The following CADPS2 variants were observed in gnomAD, a reference collection of about 807,000 sequenced individuals.
The protein encoded by CADPS2 is calcium-dependent secretion activator 2.
CADPS2 carries 93 observed loss-of-function variants against 172.5 expected under a neutral mutation model. That is an observed-to-expected ratio of 0.54 (90% CI 0.46 to 0.64). The LOEUF is 0.64. CADPS2 is among the 30% of genes least tolerant of loss of function. The probability of loss-of-function intolerance (pLI) is 0.00; values close to 1 mark genes in which losing one functional copy is unlikely to be tolerated. For missense variants in CADPS2, 1,420 were observed against 1,565.9 expected, an observed-to-expected ratio of 0.91 and a Z score of 1.57; for synonymous variants, 546 against 555.2, an observed-to-expected ratio of 0.98 and a Z score of 0.23.
intron 2 of CADPS2, among the ~76,000 whole-genome samples, chr7:122,735,646 T>TC (rs2137750882): frequency 6.6e-6 from 1 of 152,230 alleles, no homozygotes; most frequent in South Asian, 2.1e-4. Context: ...AACTCCCTCA[T>TC]CCCCCTGCTG....
intron 9 of CADPS2, among the ~76,000 whole-genome samples, 166 bp from the exon 10 acceptor site, chr7:122,491,586 C>G (rs2058293534): frequency 6.6e-6 from 1 of 152,044 alleles, no homozygotes; most frequent in East Asian, 1.9e-4. Flanking sequence ...GATTCAAGCA[C>G]CTTTCGTTTG....
intron 1 of CADPS2, among the ~76,000 whole-genome samples, chr7:122,812,794 C>T (rs1021955697): frequency 6.6e-6 from 1 of 152,120 alleles, no homozygotes. Flanking sequence ...GGTATTATGG[C>T]AGACCAGATG....
At chr7:122,485,095 C>G (rs1361277530) in intron 11 of CADPS2, among the ~76,000 whole-genome samples, 2 of 152,124 alleles carry the variant, frequency 1.3e-5, no homozygotes, top group Non-Finnish European at 2.9e-5. Context: ...GACTGTTCCC[C>G]ATCTCTCTCC....
At chr7:122,816,658 G>A (rs978026237) in intron 1 of CADPS2, among the ~76,000 whole-genome samples, 3 of 152,176 alleles carry the variant, frequency 2.0e-5, no homozygotes, top group African/African-American at 7.2e-5. Context: ...TTACACTGTA[G>A]GAAGAGTTCC....
intron 5 of CADPS2, among the ~76,000 whole-genome samples, chr7:122,620,387 T>A (rs1222945714): frequency 6.6e-6 from 1 of 152,188 alleles, no homozygotes; most frequent in Non-Finnish European, 1.5e-5. Flanking sequence ...ATGCCTGACA[T>A]AAGTTCTTTC....
chr7:122,845,582 G>A (rs955176236), intron 1 of CADPS2, among the ~76,000 whole-genome samples: 3 of 152,104 alleles, frequency 2.0e-5, no homozygotes, highest in Non-Finnish European at 2.9e-5. Flanking sequence ...CATTCTCCTC[G>A]CTACATCCCC....
chr7:122,537,648 C>A (rs1057254709), intron 8 of CADPS2, among the ~76,000 whole-genome samples: 20 of 151,562 alleles, frequency 1.3e-4, no homozygotes, highest in East Asian at 3.9e-4. Flanking sequence ...TTATTCAACT[C>A]AAGGATTTGG....
At chr7:122,722,755 C>T (rs2090596244) in intron 2 of CADPS2, among the ~76,000 whole-genome samples, 1 of 147,642 alleles carries the variant, frequency 6.8e-6, no homozygotes, top group South Asian at 2.2e-4. Flanking sequence ...AAGCTGGAGG[C>T]ATCATGCTAC....
At chr7:122,785,396 T>C (rs979353446) in intron 1 of CADPS2, among the ~76,000 whole-genome samples, 4 of 152,190 alleles carry the variant, frequency 2.6e-5, no homozygotes, top group South Asian at 2.1e-4. Context: ...CTTGGGGAGT[T>C]GTTCTGTGGT....
chr7:122,841,183 A>G (rs1810378830), intron 1 of CADPS2, among the ~76,000 whole-genome samples: 1 of 152,200 alleles, frequency 6.6e-6, no homozygotes, highest in African/African-American at 2.4e-5. Flanking sequence ...ATTTGTTGAC[A>G]AAATAAATCA....
intron 20 of CADPS2, among the ~76,000 whole-genome samples, chr7:122,401,635 TC>T (rs1410114400): frequency 6.6e-6 from 1 of 152,196 alleles, no homozygotes; most frequent in Non-Finnish European, 1.5e-5. Flanking sequence ...ACATTTATCT[TC>T]CCTCAATTTG....
rs1048032800 is a variant in CADPS2, at chr7:122,695,569, A to G, written c.454-32000T>C. On this transcript the variant is annotated intron_variant, in intron 2 of 29. Coordinates refer to ENST00000449022, the MANE Select transcript of CADPS2 (RefSeq NM_017954.11). ...TGACATAAAAGAAACAGCTATGTAA[A>G]GTGCTTAGTCCTCTACCTGGCACAT... 2.0e-5 allele frequency among the ~76,000 whole-genome samples: 3 copies of G among 152,332 alleles called. No homozygotes were observed. The South Asian group carries it at 6.2e-4, about 32-fold the overall frequency.
At chr7:122,418,001 C>T (rs1448761604) in intron 17 of CADPS2, among the ~76,000 whole-genome samples, 2 of 152,026 alleles carry the variant, frequency 1.3e-5, no homozygotes, top group African/African-American at 2.4e-5. Flanking sequence ...GAAACCCCAT[C>T]TCTACTAAAA....
intron 3 of CADPS2, among the ~76,000 whole-genome samples, chr7:122,653,967 G>T (rs976602670): frequency 6.6e-6 from 1 of 152,190 alleles, no homozygotes; most frequent in Non-Finnish European, 1.5e-5. Context: ...ATAATGGCTT[G>T]TAAGTGTTCA....
chr7:122,421,543 T>C (rs1392107035), intron 17 of CADPS2, among the ~76,000 whole-genome samples: 1 of 152,214 alleles, frequency 6.6e-6, no homozygotes, highest in African/African-American at 2.4e-5. Flanking sequence ...TCAGATTCCG[T>C]GGCCCTGAAT....
chr7:122,562,612 G>C (rs561714945), intron 7 of CADPS2, among the ~76,000 whole-genome samples: 18 of 152,152 alleles, frequency 1.2e-4, no homozygotes, highest in Middle Eastern at 3.4e-3. Flanking sequence ...TGTTGCAGCA[G>C]CAACAAGAAA....
At chr7:122,582,023 A>G (rs1587553649) in intron 6 of CADPS2, among the ~76,000 whole-genome samples, 1 of 152,230 alleles carries the variant, frequency 6.6e-6, no homozygotes, top group Middle Eastern at 3.4e-3. Context: ...CACACACCTG[A>G]TATTAAAAAA....
intron 1 of CADPS2, among the ~76,000 whole-genome samples, chr7:122,832,265 A>AG (rs902411834): frequency 1.3e-4 from 20 of 152,122 alleles, no homozygotes; most frequent in African/African-American, 4.6e-4. Flanking sequence ...GGTAAAACAG[A>AG]GAAAAAAAAC....
intron 2 of CADPS2, among the ~76,000 whole-genome samples, chr7:122,731,462 T>C (rs891263205): frequency 6.6e-6 from 1 of 151,792 alleles, no homozygotes; most frequent in Admixed American, 6.6e-5. Flanking sequence ...CAGAAGCAGA[T>C]ATCTGAGGGG....
Sources: gnomAD v4.1 joint callset for allele counts (sites outside exome capture counted in the v4.1 genomes callset) on GRCh38, gnomAD v4.1.1 for gene constraint, MANE v1.5 for transcripts, NCBI Gene and HGNC (gene_info 2026-07-23, HGNC 2026-07-21) for gene names.